Variants in FOXP1 observed in about 807,000 individuals in gnomAD.
The protein encoded by FOXP1 is forkhead box protein P1.
FOXP1 carries 15 observed loss-of-function variants against 98.2 expected under a neutral mutation model. The observed-to-expected ratio is 0.15, with a 90% CI of 0.10 to 0.24. FOXP1 has a LOEUF of 0.24. Among genes scored for constraint, FOXP1 ranks in the 10% least tolerant of loss-of-function variants. The pLI is 1.00. For missense variants in FOXP1, 633 were observed against 848.5 expected (o/e 0.75, Z 3.15); for synonymous variants, 371 against 314.5 (o/e 1.18, Z -1.90).
chr3:71,536,667 C>T lies in FOXP1; in HGVS notation c.-297-43112G>A, dbSNP rs373081415. 1.1e-4 allele frequency among the ~76,000 whole-genome samples: 17 copies of T among 149,538 alleles called. No individual in the cohort carries two copies. In the East Asian group the frequency reaches 3.2e-3, roughly 28 times the overall value. ...GAATAAAATCCTCGCATATAAAGGG[C>T]AAAAATGTATGGGTGTTTGAGCAAT... is the stretch of plus-strand genomic sequence containing the variant. On this transcript the variant is annotated intron_variant, in intron 2 of 20. Transcript: ENST00000649528.
chr3:71,013,889 AG>A (rs1341328441), intron 12 of FOXP1, among the ~76,000 whole-genome samples: 3 of 152,202 alleles, frequency 2.0e-5, no homozygotes, highest in African/African-American at 7.2e-5. Context: ...GACAAAAACA[AG>A]AAATGGGGAA....
At chr3:71,281,044 A>G (rs1164921263) in intron 5 of FOXP1, among the ~76,000 whole-genome samples, 1 of 149,128 alleles carries the variant, frequency 6.7e-6, no homozygotes, top group Non-Finnish European at 1.5e-5. Flanking sequence ...CTCTACAAAA[A>G]AAAAAAAAAA....
intron 2 of FOXP1, among the ~76,000 whole-genome samples, chr3:71,500,229 T>C (rs944494431): frequency 1.4e-4 from 21 of 152,374 alleles, no homozygotes; most frequent in African/African-American, 4.8e-4. Flanking sequence ...ACTAGACTAA[T>C]TAGAACACAT....
At chr3:71,172,410 A>C (rs2061696197) in intron 6 of FOXP1, among the ~76,000 whole-genome samples, 1 of 152,220 alleles carries the variant, frequency 6.6e-6, no homozygotes. Flanking sequence ...GAGAGTCTCA[A>C]AGAATGTAAA....
intron 3 of FOXP1, among the ~76,000 whole-genome samples, chr3:71,368,830 C>T (rs1393206984): frequency 6.6e-6 from 1 of 152,206 alleles, no homozygotes; most frequent in Non-Finnish European, 1.5e-5. Flanking sequence ...TCCCCACCAA[C>T]TGCTGAGACC....
At chr3:71,128,767 C>G (rs1248987807) in intron 6 of FOXP1, among the ~76,000 whole-genome samples, 2 of 151,956 alleles carry the variant, frequency 1.3e-5, no homozygotes, top group Non-Finnish European at 2.9e-5. Context: ...AATTAATGAA[C>G]CAAGTAATCC....
chr3:71,387,194 T>C (rs575737406), intron 3 of FOXP1, among the ~76,000 whole-genome samples: 1 of 152,266 alleles, frequency 6.6e-6, no homozygotes, highest in South Asian at 2.1e-4. Flanking sequence ...AGGACAGAAT[T>C]TGAATATGAA....
chr3:71,492,160 T>C (rs997281100), intron 3 of FOXP1, among the ~76,000 whole-genome samples: 2 of 151,956 alleles, frequency 1.3e-5, no homozygotes, highest in Non-Finnish European at 2.9e-5. Context: ...GTTTTAGATA[T>C]AGAAAATCAA....
intron 5 of FOXP1, among the ~76,000 whole-genome samples, chr3:71,268,017 CA>C (rs377710886): frequency 0.58 from 54,861 of 94,656 alleles, 13,223 homozygotes; most frequent in Middle Eastern, 0.65. Context: ...GACTCCGTCT[CA>C]AAAAAAAAAA....
chr3:71,524,182 T>C (rs913505705), intron 2 of FOXP1, among the ~76,000 whole-genome samples: 7 of 152,026 alleles, frequency 4.6e-5, no homozygotes, highest in African/African-American at 1.7e-4. Context: ...CTGGCCAACA[T>C]GGCAAAACCC....
At chr3:71,578,589 A>G (rs969478216) in intron 2 of FOXP1, among the ~76,000 whole-genome samples, 1 of 152,230 alleles carries the variant, frequency 6.6e-6, no homozygotes, top group Admixed American at 6.5e-5. Context: ...AATATGCACA[A>G]TAAGATTGGC....
chr3:71,323,532 C>T (rs891421882), intron 4 of FOXP1, among the ~76,000 whole-genome samples: 7 of 151,992 alleles, frequency 4.6e-5, no homozygotes, highest in Admixed American at 2.6e-4. Context: ...GCAATAAGGA[C>T]CAAGACCAAG....
chr3:71,477,587 T>C (rs986705936), intron 3 of FOXP1, among the ~76,000 whole-genome samples: 6 of 152,198 alleles, frequency 3.9e-5, no homozygotes, highest in African/African-American at 7.2e-5. Context: ...CCATACAACA[T>C]AGAGTTAGCA....
chr3:71,494,393 T>A (rs2091266746), intron 2 of FOXP1, among the ~76,000 whole-genome samples: 1 of 152,228 alleles, frequency 6.6e-6, no homozygotes, highest in Non-Finnish European at 1.5e-5. Flanking sequence ...ATTTTTGGTT[T>A]TTGTTTTGTT....
Position 70,959,241 on chromosome 3 carries a change from C to G in FOXP1, c.*6G>C, listed in dbSNP as rs373960974. On this transcript the variant is annotated 3_prime_UTR_variant, in exon 21 of 21. Transcript: ENST00000649528. ...CTTCATTCTCGGGGTTGGCCCGCCC[C>G]GATAGTCACTCCATGTCCTCGTTTA... The G allele has an allele frequency of 6.3e-5, 101 of 1,613,446 alleles. No individual in the cohort carries two copies. Among genetic ancestry groups the G allele is most frequent in the Non-Finnish European group, 8.0e-5 (94 of 1,179,918 alleles).
intron 14 of FOXP1, among the ~76,000 whole-genome samples, chr3:70,983,625 G>A (rs1462885382): frequency 6.6e-6 from 1 of 152,170 alleles, no homozygotes; most frequent in Non-Finnish European, 1.5e-5. Context: ...CACCTACACT[G>A]TAATTACGTG....
intron 10 of FOXP1, among the ~76,000 whole-genome samples, chr3:71,043,915 T>G (rs1349593022): frequency 6.6e-6 from 1 of 152,208 alleles, no homozygotes; most frequent in Non-Finnish European, 1.5e-5. Context: ...GGCAATCAGT[T>G]CCATTATCCA....
chr3:71,472,948 T>C (rs183160554), intron 3 of FOXP1, among the ~76,000 whole-genome samples: 1 of 152,318 alleles, frequency 6.6e-6, no homozygotes, highest in East Asian at 1.9e-4. Flanking sequence ...TTTTTAAATT[T>C]CAACTTCTCA....
chr3:71,580,053 A>G (rs1056794922), intron 2 of FOXP1, among the ~76,000 whole-genome samples: 1 of 151,898 alleles, frequency 6.6e-6, no homozygotes, highest in Non-Finnish European at 1.5e-5. Flanking sequence ...CGAATAGTCC[A>G]GGGTTCTCCG....
Sources: allele counts gnomAD v4.1 joint callset (sites outside exome capture counted in the v4.1 genomes callset), GRCh38; gene constraint gnomAD v4.1.1; transcripts MANE v1.5; gene names NCBI Gene and HGNC (gene_info 2026-07-23, HGNC 2026-07-21).